SCAPER: variants seen among roughly 807,000 people sequenced by gnomAD.
SCAPER encodes S phase cyclin A-associated protein in the endoplasmic reticulum.
Under a neutral mutation model 182.2 loss-of-function variants are expected in SCAPER, and 98 were observed. The ratio of observed to expected loss-of-function variants is 0.54; its 90% CI spans 0.46 to 0.64. SCAPER has a LOEUF of 0.64. SCAPER is among the 30% of genes least tolerant of loss of function. The probability of loss-of-function intolerance (pLI) is 0.00; values close to 1 mark genes in which losing one functional copy is unlikely to be tolerated. For missense variants in SCAPER, 1,432 were observed against 1,690.0 expected, an observed-to-expected ratio of 0.85 and a Z score of 2.68; for synonymous variants, 605 against 564.6, an observed-to-expected ratio of 1.07 and a Z score of -1.01.
intron 23 of SCAPER, among the ~76,000 whole-genome samples, chr15:76,562,474 G>A (rs62030373): frequency 6.6e-6 from 1 of 152,032 alleles, no homozygotes; most frequent in African/African-American, 2.4e-5. Context: ...ATTTGAACAG[G>A]CATGTCACAA....
intron 24 of SCAPER, among the ~76,000 whole-genome samples, chr15:76,477,723 AT>A (rs2050771102): frequency 6.6e-6 from 1 of 152,108 alleles, no homozygotes; most frequent in Non-Finnish European, 1.5e-5. Flanking sequence ...TAAAGGTTAC[AT>A]TTCTTTGATT....
chr15:76,479,463 T>A (rs2050926235), intron 24 of SCAPER, among the ~76,000 whole-genome samples: 1 of 152,202 alleles, frequency 6.6e-6, no homozygotes, highest in African/African-American at 2.4e-5. Flanking sequence ...GGGTTTGAGA[T>A]AAAGGCTTTC....
At chr15:76,865,921 T>C (rs535821125) in intron 2 of SCAPER, among the ~76,000 whole-genome samples, 1 of 152,298 alleles carries the variant, frequency 6.6e-6, no homozygotes, top group East Asian at 1.9e-4. Context: ...CTGAAACTCA[T>C]TTGTCTATGA....
intron 17 of SCAPER, among the ~76,000 whole-genome samples, chr15:76,726,519 G>C (rs145840315): frequency 1.2e-3 from 181 of 151,860 alleles, no homozygotes; most frequent in Admixed American, 3.2e-3. Flanking sequence ...TTAAAAAGCA[G>C]AGACTAAAAC....
At chr15:76,530,974 C>T (rs947740087) in intron 23 of SCAPER, among the ~76,000 whole-genome samples, 3 of 150,080 alleles carry the variant, frequency 2.0e-5, no homozygotes, top group African/African-American at 4.9e-5. Context: ...TGTATATATA[C>T]GTATATATGA....
intron 14 of SCAPER, among the ~76,000 whole-genome samples, chr15:76,756,136 C>T (rs1204505907): frequency 6.8e-6 from 1 of 146,798 alleles, no homozygotes; most frequent in Non-Finnish European, 1.5e-5. Flanking sequence ...CCCAGATACT[C>T]AAGAGGCTGA....
At chr15:76,436,277 A>T (rs1737912023) in intron 25 of SCAPER, among the ~76,000 whole-genome samples, 1 of 152,188 alleles carries the variant, frequency 6.6e-6, no homozygotes, top group Admixed American at 6.5e-5. Context: ...CATGTTGGCC[A>T]GGCTAGTCTT....
Position 76,841,004 on chromosome 15 carries a change from G to A in SCAPER, c.393+730C>T, listed in dbSNP as rs375189410. Among the ~76,000 whole-genome samples the A allele has an allele frequency of 4.1e-4, 62 of 152,296 alleles. 2 individuals are homozygous for A. The South Asian group carries it at 0.012, about 31-fold the overall frequency. On this transcript the variant is annotated intron_variant, in intron 5 of 31. Coordinates refer to ENST00000563290, the MANE Select transcript of SCAPER (RefSeq NM_020843.4). ...TGATAAGTATCTCAATGGAAAGGGA[G>A]TAATGTCCAATTAGACATTAAACAT... is the stretch of plus-strand genomic sequence containing the variant.
chr15:76,560,570 CTT>C (rs1410630093), intron 23 of SCAPER, among the ~76,000 whole-genome samples: 1 of 152,190 alleles, frequency 6.6e-6, no homozygotes, highest in Non-Finnish European at 1.5e-5. Context: ...TAGGTCCATG[CTT>C]TTAACACTGC....
chr15:76,856,134 G>A (rs144815096), intron 4 of SCAPER, among the ~76,000 whole-genome samples: 9 of 152,284 alleles, frequency 5.9e-5, no homozygotes, highest in Admixed American at 5.9e-4. Flanking sequence ...CATGAATGGA[G>A]CTGGAGGCCA....
intron 5 of SCAPER, among the ~76,000 whole-genome samples, chr15:76,835,494 T>C (rs1021725236): frequency 6.6e-6 from 1 of 152,088 alleles, no homozygotes; most frequent in Non-Finnish European, 1.5e-5. Flanking sequence ...AAATTCAACA[T>C]CACTTCATGT....
At chr15:76,414,163 C>T (rs2045492217) in intron 26 of SCAPER, among the ~76,000 whole-genome samples, 1 of 152,070 alleles carries the variant, frequency 6.6e-6, no homozygotes, top group South Asian at 2.1e-4. Context: ...TAAGGTTATA[C>T]TGGCATCATA....
At chr15:76,703,466 G>A (rs1333207828) in intron 18 of SCAPER, among the ~76,000 whole-genome samples, 1 of 152,142 alleles carries the variant, frequency 6.6e-6, no homozygotes, top group African/African-American at 2.4e-5. Flanking sequence ...CCATACAGCA[G>A]GCAAGGCCCA....
At chr15:76,353,741 A>C in intron 30 of SCAPER, among the ~76,000 whole-genome samples, 1 of 152,226 alleles carries the variant, frequency 6.6e-6, no homozygotes, top group East Asian at 1.9e-4. Flanking sequence ...AAATCCTCCA[A>C]GTAGAAATTA....
chr15:76,708,729 G>C (rs554022803), intron 17 of SCAPER, among the ~76,000 whole-genome samples: 2 of 152,224 alleles, frequency 1.3e-5, no homozygotes, highest in East Asian at 1.9e-4. Flanking sequence ...CCTTTAGCTA[G>C]ACTAATAAGA....
intron 4 of SCAPER, among the ~76,000 whole-genome samples, chr15:76,849,065 T>C (rs2070443249): frequency 6.6e-6 from 1 of 151,902 alleles, no homozygotes; most frequent in Admixed American, 6.6e-5. Context: ...AGGGCTACAC[T>C]CAAACTTAGA....
chr15:76,370,495 G>C (rs1280388218), intron 29 of SCAPER, among the ~76,000 whole-genome samples: 1 of 151,812 alleles, frequency 6.6e-6, no homozygotes, highest in Non-Finnish European at 1.5e-5. Context: ...AGTAGAGATG[G>C]GGTTTTGCCA....
chr15:76,685,028 A>G (rs2147054408), intron 20 of SCAPER, among the ~76,000 whole-genome samples: 1 of 152,222 alleles, frequency 6.6e-6, no homozygotes, highest in East Asian at 1.9e-4. Flanking sequence ...AATACATAAA[A>G]AAGATAATAT....
intron 25 of SCAPER, among the ~76,000 whole-genome samples, chr15:76,452,863 T>C (rs1189393510): frequency 3.9e-5 from 6 of 151,982 alleles, no homozygotes; most frequent in Non-Finnish European, 8.8e-5. Context: ...TTTTTAGAGA[T>C]AGAGTTGCCC....
Sources: allele counts gnomAD v4.1 joint callset (sites outside exome capture counted in the v4.1 genomes callset), GRCh38; gene constraint gnomAD v4.1.1; transcripts MANE v1.5; gene names NCBI Gene and HGNC (gene_info 2026-07-23, HGNC 2026-07-21).